Variants in C4orf17 observed in about 807,000 individuals in gnomAD.
The protein encoded by C4orf17 is uncharacterized protein C4orf17.
In C4orf17, 25 loss-of-function variants were observed where a neutral mutation model predicts 32.0. The ratio of observed to expected loss-of-function variants is 0.78; its 90% confidence interval spans 0.57 to 1.09. The LOEUF is 1.09. C4orf17 is among the 50% of genes least tolerant of loss of function. The probability of loss-of-function intolerance (pLI) is 0.00; values close to 1 mark genes in which losing one functional copy is unlikely to be tolerated. For missense variants in C4orf17, 420 were observed against 420.0 expected, an observed-to-expected ratio of 1.00 and a Z score of 0.00; for synonymous variants, 149 against 145.8, an observed-to-expected ratio of 1.02 and a Z score of -0.16.
chr4:99,541,537 T>C (rs17029112), intron 8 of C4orf17: 15,294 of 191,694 alleles, frequency 0.08, 1,220 homozygotes, highest in African/African-American at 0.21. Flanking sequence ...GGTGCAACTA[T>C]GTAGGTCTTA....
At position 99,513,087 on chromosome 4, in the gene C4orf17, C is replaced by T. The variant is rs1371581730; in HGVS notation, c.6C>T (p.Asn2=). Residue 2 remains asparagine, a synonymous_variant, in exon 2 of 9, where the codon AAC becomes AAT. Coordinates refer to ENST00000326581, the MANE Select transcript of C4orf17 (RefSeq NM_032149.3). M[N]LNPPTSALQI... Reference sequence around the variant, plus strand: ...AAAATAAACACACCACAAACATGAACCTCAACCCCCCGACATCTGCTCTTC... The same window carrying T: ...AAAATAAACACACCACAAACATGAATCTCAACCCCCCGACATCTGCTCTTC... 5.6e-6 allele frequency: 9 copies of T among 1,613,682 alleles called. No homozygotes were observed. Among genetic ancestry groups the T allele is most frequent in the Admixed American group, 5.0e-5 (3 of 59,942 alleles).
At chr4:99,515,259 C>A (rs954376996) in intron 2 of C4orf17, among the ~76,000 whole-genome samples, 1 of 152,106 alleles carries the variant, frequency 6.6e-6, no homozygotes, top group African/African-American at 2.4e-5. Flanking sequence ...ATGTTCACTG[C>A]AGCGCTATTC....
chr4:99,522,311 T>C (rs1278545470), intron 2 of C4orf17, among the ~76,000 whole-genome samples, 189 bp from the exon 3 acceptor site: 1 of 151,796 alleles, frequency 6.6e-6, no homozygotes, highest in Non-Finnish European at 1.5e-5. Flanking sequence ...ACACTGACTT[T>C]CAAAGAATGT....
At chr4:99,523,906 T>C (rs72906779) in intron 3 of C4orf17, among the ~76,000 whole-genome samples, 7,524 of 151,930 alleles carry the variant, frequency 0.05, 293 homozygotes, top group Middle Eastern at 0.11. Context: ...AAAAATTCTC[T>C]TTAATTAGAT....
chr4:99,539,661 G>A (rs1041767547), intron 7 of C4orf17, among the ~76,000 whole-genome samples: 3 of 152,054 alleles, frequency 2.0e-5, no homozygotes, highest in African/African-American at 7.2e-5. Context: ...TGGCTACCTA[G>A]AAATCTAAGA....
intron 2 of C4orf17, among the ~76,000 whole-genome samples, chr4:99,514,353 C>T (rs1723142829): frequency 6.6e-6 from 1 of 152,036 alleles, no homozygotes; most frequent in Non-Finnish European, 1.5e-5. Flanking sequence ...GCAAACTACG[C>T]ATCCGACAAA....
intron 4 of C4orf17, among the ~76,000 whole-genome samples, chr4:99,525,448 T>C (rs2110169563): frequency 6.6e-6 from 1 of 152,334 alleles, no homozygotes; most frequent in South Asian, 2.1e-4. Flanking sequence ...TTACTTGCCA[T>C]GTATATATCT....
At chr4:99,540,324 C>T in intron 7 of C4orf17, 88 bp from the exon 8 acceptor site, 2 of 885,978 alleles carry the variant, frequency 2.3e-6, no homozygotes, top group Non-Finnish European at 1.8e-6. Context: ...GATACATATA[C>T]ACTGAACTTA....
Position 99,525,925 on chromosome 4 carries a change from T to A in C4orf17, c.402+1340T>A, listed in dbSNP as rs1306409495. Among the ~76,000 whole-genome samples, 4 of 152,236 alleles carry A rather than the reference T, an allele frequency of 2.6e-5. No individual in the cohort carries two copies. The East Asian group carries it at 7.7e-4, about 29-fold the overall frequency. On this transcript the variant is annotated intron_variant, in intron 4 of 8. Transcript: ENST00000326581. ...TCTTCCAGTCTGAGGCTTGCTCTTA[T>A]TTTGATGTGTCTTTAAAAAATTTGT...
At chr4:99,530,918 G>C (rs1723467787) in intron 5 of C4orf17, among the ~76,000 whole-genome samples, 1 of 152,046 alleles carries the variant, frequency 6.6e-6, no homozygotes, top group East Asian at 1.9e-4. Flanking sequence ...TGTTTCACCT[G>C]CTACACTCTG....
At chr4:99,517,926 C>T (rs1723214172) in intron 2 of C4orf17, among the ~76,000 whole-genome samples, 1 of 152,192 alleles carries the variant, frequency 6.6e-6, no homozygotes, top group Non-Finnish European at 1.5e-5. Context: ...GATCTTCCTT[C>T]AAAAGCAAGG....
rs566487365 is a variant in C4orf17 at position 99,511,797 on chromosome 4, G to T, written c.-94+525G>T. Among the ~76,000 whole-genome samples, 31 of 152,216 alleles carry T rather than the reference G, an allele frequency of 2.0e-4. No individual in the cohort carries two copies. The Middle Eastern group carries it at 0.02, about 100-fold the overall frequency. ...AAGTGTGATTTAAACAAAGAGATTA[G>T]AACTAGCTCCTCACTGTGATATTCA... On this transcript the variant is annotated intron_variant, in intron 1 of 8. Coordinates refer to ENST00000326581, the MANE Select transcript of C4orf17 (RefSeq NM_032149.3).
chr4:99,527,952 T>G (rs1231160812), intron 4 of C4orf17, among the ~76,000 whole-genome samples: 1 of 152,240 alleles, frequency 6.6e-6, no homozygotes, highest in Non-Finnish European at 1.5e-5. Flanking sequence ...ATTATGAAGT[T>G]ACTCTCTTCA....
At chr4:99,518,948 T>C (rs1264113719) in intron 2 of C4orf17, among the ~76,000 whole-genome samples, 2 of 152,162 alleles carry the variant, frequency 1.3e-5, no homozygotes, top group African/African-American at 4.8e-5. Flanking sequence ...TATTTTTTCA[T>C]AGTACTGTAT....
chr4:99,518,724 C>T (rs192362240), intron 2 of C4orf17, among the ~76,000 whole-genome samples: 168 of 149,932 alleles, frequency 1.1e-3, no homozygotes, highest in Non-Finnish European at 1.9e-3. Context: ...CTATCAACTC[C>T]CTCCCCCATT....
At chr4:99,537,291 A>G (rs10000018) in intron 5 of C4orf17, among the ~76,000 whole-genome samples, 53,665 of 152,010 alleles carry the variant, frequency 0.35, 10,172 homozygotes, top group African/African-American at 0.49. Flanking sequence ...CTCTTGGTGC[A>G]CAGGCGGTTG....
At chr4:99,513,261 T>G in intron 2 of C4orf17, 53 bp downstream of exon 2, 6 of 1,603,202 alleles carry the variant, frequency 3.7e-6, no homozygotes, top group Non-Finnish European at 5.1e-6. Flanking sequence ...ACTTGGGCTA[T>G]TTGATAATTC....
At chr4:99,541,153 G>A (rs1490495603) in intron 8 of C4orf17, 2 of 152,208 alleles carry the variant, frequency 1.3e-5, no homozygotes, top group African/African-American at 4.8e-5. Context: ...TACCAGGAAT[G>A]ATATATAATC....
chr4:99,541,367 A>T (rs1360008729), intron 8 of C4orf17: 1 of 153,460 alleles, frequency 6.5e-6, no homozygotes. Context: ...ACATCATGAC[A>T]GTGATGGTTT....
Sources: gnomAD v4.1 joint callset for allele counts (sites outside exome capture counted in the v4.1 genomes callset) on GRCh38, gnomAD v4.1.1 for gene constraint, MANE v1.5 for transcripts, NCBI Gene and HGNC (gene_info 2026-07-23, HGNC 2026-07-21) for gene names.